BDNF: variants seen among roughly 807,000 people sequenced by gnomAD.
BDNF encodes neurotrophic factor BDNF precursor form.
BDNF carries 1 observed loss-of-function variant against 19.5 expected under a neutral mutation model. The ratio of observed to expected loss-of-function variants is 0.05; its 90% CI spans 0.02 to 0.24. The LOEUF (loss-of-function observed/expected upper bound fraction) is 0.24. Among genes scored for constraint, BDNF ranks in the 10% least tolerant of loss-of-function variants. The probability of loss-of-function intolerance (pLI) is 1.00; values close to 1 mark genes in which losing one functional copy is unlikely to be tolerated. For missense variants in BDNF, 195 were observed against 317.6 expected (o/e 0.61, Z 2.93); for synonymous variants, 100 against 121.6 (o/e 0.82, Z 1.17).
chr11:27,681,933 T>A (rs35038967), intron 1 of BDNF, among the ~76,000 whole-genome samples: 25,303 of 152,020 alleles, frequency 0.17, 2,899 homozygotes, highest in East Asian at 0.47. Flanking sequence ...AGGCCTGGAG[T>A]CAAACTCGAT....
intron 1 of BDNF, among the ~76,000 whole-genome samples, chr11:27,694,901 T>C (rs1858803128): frequency 6.6e-6 from 1 of 152,186 alleles, no homozygotes; most frequent in Admixed American, 6.5e-5. Flanking sequence ...AATGGTTCGG[T>C]TTGGTACATA....
At chr11:27,673,124 C>G (rs112989286) in intron 1 of BDNF, among the ~76,000 whole-genome samples, 4,567 of 152,004 alleles carry the variant, frequency 0.03, 211 homozygotes, top group African/African-American at 0.1. Context: ...ACAGTGTAAA[C>G]ACAGCTAAGG....
At chr11:27,674,436 C>T (rs1855824753) in intron 1 of BDNF, 1 of 1,438,956 alleles carries the variant, frequency 6.9e-7, no homozygotes, top group African/African-American at 1.4e-5. Context: ...TACCCCAGCT[C>T]CCAGCTCTTC....
intron 1 of BDNF, among the ~76,000 whole-genome samples, chr11:27,712,825 A>AT (rs1247610598): frequency 6.6e-6 from 1 of 150,938 alleles, no homozygotes; most frequent in East Asian, 2.0e-4. Context: ...CCATTTAGAC[A>AT]TTTTTATGAG....
At chr11:27,697,141 A>ACG (rs1316772623) in intron 1 of BDNF, among the ~76,000 whole-genome samples, 13 of 76,228 alleles carry the variant, frequency 1.7e-4, no homozygotes, top group African/African-American at 4.5e-4. Flanking sequence ...GCGCACGTGC[A>ACG]CGCACACACA....
intron 1 of BDNF, among the ~76,000 whole-genome samples, chr11:27,685,068 G>A (rs1031766409): frequency 3.3e-5 from 5 of 151,992 alleles, no homozygotes; most frequent in East Asian, 3.8e-4. Context: ...TTACTGCCTC[G>A]ATTTCAGAAC....
At chr11:27,695,934 G>T (rs770684063) in intron 1 of BDNF, among the ~76,000 whole-genome samples, 5 of 151,894 alleles carry the variant, frequency 3.3e-5, no homozygotes, top group Non-Finnish European at 5.9e-5. Flanking sequence ...TATCTGACCA[G>T]ATACTCAAAT....
chr11:27,700,526 C>T (rs1564989695), upstream of BDNF: 145 of 465,684 alleles, frequency 3.1e-4, 1 homozygote, highest in Non-Finnish European at 3.9e-4. Flanking sequence ...CGCCGCCCCC[C>T]CCCCCCCGCC....
intron 1 of BDNF, among the ~76,000 whole-genome samples, chr11:27,689,556 C>T (rs147786672): frequency 6.2e-4 from 94 of 152,302 alleles, no homozygotes; most frequent in Non-Finnish European, 9.8e-4. Flanking sequence ...GTACCAATGC[C>T]TACTGGGGCA....
At chr11:27,659,091 G>T in intron 1 of BDNF, 1 of 1,017,392 alleles carries the variant, frequency 9.8e-7, no homozygotes, top group African/African-American at 1.7e-5. Context: ...GTGATGTCTA[G>T]GCATGAATAG....
chr11:27,684,905 C>T (rs553894890), intron 1 of BDNF, among the ~76,000 whole-genome samples: 71 of 151,936 alleles, frequency 4.7e-4, no homozygotes, highest in Non-Finnish European at 8.2e-4. Flanking sequence ...AGGATGATGC[C>T]GGACTCATAA....
intron 1 of BDNF, among the ~76,000 whole-genome samples, chr11:27,686,626 G>C (rs1456718937): frequency 6.6e-6 from 1 of 152,162 alleles, no homozygotes; most frequent in Non-Finnish European, 1.5e-5. Flanking sequence ...TTGCTCGTCT[G>C]TAAAGGATTT....
chr11:27,708,172 C>T (rs573690245), intron 1 of BDNF, among the ~76,000 whole-genome samples: 161 of 152,258 alleles, frequency 1.1e-3, no homozygotes, highest in African/African-American at 3.4e-3. Context: ...AAATAAGTTC[C>T]AAGTGTAAAC....
At chr11:27,705,555 T>G (rs1320753124) in intron 1 of BDNF, among the ~76,000 whole-genome samples, 4 of 152,350 alleles carry the variant, frequency 2.6e-5, no homozygotes, top group African/African-American at 9.6e-5. Context: ...TTTGGCCTAC[T>G]TTCATGTGAT....
intron 1 of BDNF, among the ~76,000 whole-genome samples, chr11:27,715,780 C>T (rs957689934): frequency 6.6e-6 from 1 of 152,138 alleles, no homozygotes; most frequent in Non-Finnish European, 1.5e-5. Context: ...GATAATTCTG[C>T]ACCTTACTTT....
intron 1 of BDNF, among the ~76,000 whole-genome samples, chr11:27,715,235 C>G (rs1860467483): frequency 6.6e-6 from 1 of 152,090 alleles, no homozygotes; most frequent in Admixed American, 6.5e-5. Flanking sequence ...GAACATCTAC[C>G]AAGATAAACA....
intron 1 of BDNF, among the ~76,000 whole-genome samples, chr11:27,666,061 A>T (rs1412078324): frequency 6.6e-6 from 1 of 152,150 alleles, no homozygotes; most frequent in East Asian, 1.9e-4. Context: ...TGCCCCTCTG[A>T]GACGAAGCTT....
intron 1 of BDNF, among the ~76,000 whole-genome samples, chr11:27,717,860 AGTGTGT>A (rs56730757): frequency 1.9e-3 from 282 of 147,564 alleles, no homozygotes; most frequent in South Asian, 6.5e-3. Context: ...TTACAAGTTG[AGTGTGT>A]GTGTGTGTGT....
At chr11:27,664,997 T>A (rs565781396) in intron 1 of BDNF, among the ~76,000 whole-genome samples, 1 of 152,220 alleles carries the variant, frequency 6.6e-6, no homozygotes, top group South Asian at 2.1e-4. Context: ...CTGAAAATAC[T>A]TTTAAAGTTT....
Sources: gnomAD v4.1 joint callset for allele counts (sites outside exome capture counted in the v4.1 genomes callset) on GRCh38, gnomAD v4.1.1 for gene constraint, MANE v1.5 for transcripts, NCBI Gene and HGNC (gene_info 2026-07-23, HGNC 2026-07-21) for gene names.